RB1: variants seen among roughly 807,000 people sequenced by gnomAD.
The protein encoded by RB1 is RB transcriptional corepressor 1, also known as retinoblastoma-associated protein.
In RB1, 18 loss-of-function variants were observed where a neutral mutation model predicts 135.4. That is an observed-to-expected ratio of 0.13 (90% CI 0.09 to 0.20). RB1 has a LOEUF of 0.20. Ranked by LOEUF, RB1 falls within the 10% of genes least tolerant of loss-of-function variation. The pLI is 1.00. For synonymous variants in RB1, 365 were observed against 373.2 expected, an observed-to-expected ratio of 0.98 and a Z score of 0.25; for missense variants, 868 against 1,110.0, an observed-to-expected ratio of 0.78 and a Z score of 3.10.
chr13:48,423,905 A>C (rs935730411), intron 17 of RB1: 2 of 152,422 alleles, frequency 1.3e-5, no homozygotes, highest in African/African-American at 4.8e-5. Flanking sequence ...CCTGGGCAAC[A>C]TAACGAGACA....
At chr13:48,409,546 T>TAAAA (rs1948771824) in intron 17 of RB1, among the ~76,000 whole-genome samples, 1 of 151,856 alleles carries the variant, frequency 6.6e-6, no homozygotes, top group Admixed American at 6.6e-5. Context: ...CATTCTTTTT[T>TAAAA]AGTTAACTTT....
intron 2 of RB1, chr13:48,318,387 A>C: frequency 2.7e-6 from 4 of 1,497,712 alleles, no homozygotes; most frequent in Non-Finnish European, 3.7e-6. Flanking sequence ...CTTGGACCTT[A>C]AGTCCTTGAT....
intron 19 of RB1, among the ~76,000 whole-genome samples, chr13:48,457,933 C>G (rs1949371402): frequency 6.6e-6 from 1 of 152,184 alleles, no homozygotes; most frequent in Non-Finnish European, 1.5e-5. Flanking sequence ...CCCAAGTATA[C>G]AGAGATGCCT....
At chr13:48,414,658 T>C (rs1015416201) in intron 17 of RB1, among the ~76,000 whole-genome samples, 8 of 151,840 alleles carry the variant, frequency 5.3e-5, no homozygotes, top group East Asian at 1.9e-4. Context: ...AAATAACTTA[T>C]TACAGTAAAA....
chr13:48,456,926 C>A (rs4151587), intron 19 of RB1, among the ~76,000 whole-genome samples: 8,486 of 152,260 alleles, frequency 0.056, 775 homozygotes, highest in African/African-American at 0.19. Context: ...GGAGTCACAG[C>A]CCTGGCTCAA....
At chr13:48,461,186 C>G (rs1949402898) in intron 20 of RB1, among the ~76,000 whole-genome samples, 1 of 152,010 alleles carries the variant, frequency 6.6e-6, no homozygotes, top group South Asian at 2.1e-4. Context: ...ACCCCCTCAG[C>G]CCAAGGCAAT....
At chr13:48,412,425 G>A (rs981870922) in intron 17 of RB1, 2 of 1,610,274 alleles carry the variant, frequency 1.2e-6, no homozygotes, top group Admixed American at 1.7e-5. Flanking sequence ...GCTTACCATC[G>A]TAAAGGCACG....
chr13:48,359,397 G>T (rs937514342), intron 6 of RB1, among the ~76,000 whole-genome samples: 2 of 148,462 alleles, frequency 1.3e-5, no homozygotes, highest in Admixed American at 1.3e-4. Context: ...AAATATATAA[G>T]GTTTAGATAT....
At position 48,436,611 on chromosome 13, in the gene RB1, C is replaced by G. The variant is rs182467376; in HGVS notation, c.1696-16382C>G. Among the ~76,000 whole-genome samples the G allele has an allele frequency of 1.8e-4, 28 of 151,812 alleles. No homozygotes were observed. The East Asian group carries it at 5.0e-3, about 27-fold the overall frequency. On this transcript the variant is annotated intron_variant, in intron 17 of 26. Transcript: ENST00000267163. ...TGAGCCAAGATTGCACCACTGCACT[C>G]CAGCCTGGGTGACAAGAGCAAGACT...
intron 2 of RB1, among the ~76,000 whole-genome samples, chr13:48,314,943 A>G (rs1425742350): frequency 6.6e-6 from 1 of 152,148 alleles, no homozygotes; most frequent in Non-Finnish European, 1.5e-5. Context: ...TTTTCAAAGG[A>G]TGAAATTGGG....
At chr13:48,471,684 T>G (rs1949471826) in intron 23 of RB1, among the ~76,000 whole-genome samples, 1 of 152,078 alleles carries the variant, frequency 6.6e-6, no homozygotes, top group African/African-American at 2.4e-5. Flanking sequence ...ACCAGTTTGG[T>G]TATATGTTTC....
chr13:48,349,253 T>C (rs968957088), intron 6 of RB1, among the ~76,000 whole-genome samples: 2 of 151,834 alleles, frequency 1.3e-5, no homozygotes, highest in South Asian at 4.1e-4. Flanking sequence ...TTTCTTTTTT[T>C]TGAAGAATAA....
chr13:48,467,297 C>T (rs1216979780), intron 23 of RB1, among the ~76,000 whole-genome samples: 1 of 128,118 alleles, frequency 7.8e-6, no homozygotes, highest in African/African-American at 2.8e-5. Context: ...AATTTCATAT[C>T]CAGCCAAACT....
At chr13:48,320,183 C>A in intron 2 of RB1, 2 of 917,210 alleles carry the variant, frequency 2.2e-6, no homozygotes, top group South Asian at 3.1e-5. Context: ...AAGTCAGCAA[C>A]AAGACCACAG....
chr13:48,478,893 C>T (rs573361686), intron 26 of RB1, among the ~76,000 whole-genome samples: 5 of 152,178 alleles, frequency 3.3e-5, no homozygotes, highest in South Asian at 4.1e-4. Flanking sequence ...ATAAGTATCC[C>T]GGCTTTGTCT....
chr13:48,449,409 C>T (rs1234540996), intron 17 of RB1, among the ~76,000 whole-genome samples: 2 of 152,164 alleles, frequency 1.3e-5, no homozygotes, highest in African/African-American at 2.4e-5. Context: ...TACCTGGTAT[C>T]GCCACTGCCA....
chr13:48,420,473 G>T (rs2138239374), intron 17 of RB1, among the ~76,000 whole-genome samples: 1 of 152,262 alleles, frequency 6.6e-6, no homozygotes. Flanking sequence ...TTGAAAACTG[G>T]CACAAGACAA....
chr13:48,348,394 A>G (rs934489878), intron 5 of RB1, among the ~76,000 whole-genome samples: 8 of 151,974 alleles, frequency 5.3e-5, no homozygotes, highest in Middle Eastern at 3.4e-3. Context: ...GAAATTGTAT[A>G]TTTACTGATT....
intron 2 of RB1, chr13:48,318,661 T>C (rs1376302265): frequency 4.9e-6 from 3 of 612,928 alleles, no homozygotes; most frequent in Non-Finnish European, 8.9e-6. Context: ...TCCCGCGTTT[T>C]CTTGGGCGTG....
Sources: gnomAD v4.1 joint callset for allele counts (sites outside exome capture counted in the v4.1 genomes callset) on GRCh38, gnomAD v4.1.1 for gene constraint, MANE v1.5 for transcripts, NCBI Gene and HGNC (gene_info 2026-07-23, HGNC 2026-07-21) for gene names.